Variants in TMCO4 observed in about 807,000 individuals in gnomAD.
TMCO4 encodes transmembrane and coiled-coil domain-containing protein 4.
A neutral mutation model predicts 64.7 loss-of-function variants in TMCO4; 58 were observed. The ratio of observed to expected loss-of-function variants is 0.90; its 90% CI spans 0.73 to 1.12. TMCO4 has a LOEUF of 1.12. Ranked by LOEUF, TMCO4 falls within the 50% of genes most tolerant of loss-of-function variation. The pLI is 0.00. For synonymous variants in TMCO4, 325 were observed against 346.1 expected, an observed-to-expected ratio of 0.94 and a Z score of 0.68; for missense variants, 780 against 825.9, an observed-to-expected ratio of 0.94 and a Z score of 0.68.
chr1:19,717,085 C>T (rs922166618), intron 13 of TMCO4, among the ~76,000 whole-genome samples: 1 of 152,190 alleles, frequency 6.6e-6, no homozygotes, highest in Non-Finnish European at 1.5e-5. Flanking sequence ...ACTTGGGAAG[C>T]TGAGGCAGGA....
intron 13 of TMCO4, among the ~76,000 whole-genome samples, chr1:19,709,794 C>CT (rs796672415): frequency 7.6e-4 from 103 of 134,722 alleles, no homozygotes; most frequent in Middle Eastern, 3.8e-3. Flanking sequence ...TCTTTTCTTT[C>CT]TTTTTTTTTT....
At chr1:19,755,523 C>G (rs2042206169) in intron 7 of TMCO4, 111 bp downstream of exon 7, 1 of 1,478,094 alleles carries the variant, frequency 6.8e-7, no homozygotes, top group Non-Finnish European at 9.1e-7. Flanking sequence ...GTCCAGGGCT[C>G]CTTCCACCTC....
chr1:19,746,356 C>G, intron 9 of TMCO4, 100 bp downstream of exon 9: 2 of 1,529,792 alleles, frequency 1.3e-6, no homozygotes, highest in Non-Finnish European at 1.8e-6. Flanking sequence ...CTCTGTCTCC[C>G]AGGGAGTCAC....
chr1:19,692,221 T>G (rs1051564128), intron 15 of TMCO4, among the ~76,000 whole-genome samples: 3 of 152,194 alleles, frequency 2.0e-5, no homozygotes, highest in Non-Finnish European at 4.4e-5. Flanking sequence ...GGCTTGTGCT[T>G]GTAGTTACAG....
At chr1:19,700,273 T>C (rs2095263199) in intron 14 of TMCO4, among the ~76,000 whole-genome samples, 2 of 152,080 alleles carry the variant, frequency 1.3e-5, no homozygotes, top group Non-Finnish European at 2.9e-5. Flanking sequence ...TATAGGCTCC[T>C]GCACGCTGGC....
intron 6 of TMCO4, among the ~76,000 whole-genome samples, chr1:19,769,938 C>G (rs976166927): frequency 6.9e-6 from 1 of 145,296 alleles, no homozygotes; most frequent in Admixed American, 6.8e-5. Flanking sequence ...CCACAAAGCA[C>G]ACGTGCTTAG....
chr1:19,721,123 A>G (rs552422320), intron 13 of TMCO4, among the ~76,000 whole-genome samples: 2 of 152,210 alleles, frequency 1.3e-5, no homozygotes, highest in African/African-American at 4.8e-5. Flanking sequence ...TTATGGACTG[A>G]GACTCACGCA....
intron 4 of TMCO4, among the ~76,000 whole-genome samples, chr1:19,774,194 C>A (rs1427899437): frequency 6.6e-6 from 1 of 152,188 alleles, no homozygotes; most frequent in Non-Finnish European, 1.5e-5. Flanking sequence ...CCAAACGTTA[C>A]TTAGAAGCAA....
chr1:19,793,189 T>TTC (rs550973511), intron 2 of TMCO4, among the ~76,000 whole-genome samples: 22 of 151,946 alleles, frequency 1.4e-4, no homozygotes, highest in East Asian at 5.8e-4. Flanking sequence ...CCACCAGGCT[T>TTC]TCTCTCTCTC....
chr1:19,716,350 C>T (rs144634177), intron 13 of TMCO4, among the ~76,000 whole-genome samples: 2,878 of 147,836 alleles, frequency 0.019, 96 homozygotes, highest in African/African-American at 0.067. Context: ...CCTGCCACTA[C>T]GCCCGGCTAT....
intron 4 of TMCO4, among the ~76,000 whole-genome samples, chr1:19,777,832 T>C (rs931198269): frequency 2.1e-4 from 32 of 152,194 alleles, no homozygotes; most frequent in Admixed American, 1.3e-4. Flanking sequence ...ATGGGAGGAC[T>C]GCTTGAGGCC....
Position 19,725,162 on chromosome 1 carries a change from A to C in TMCO4, c.1264+12210T>G, listed in dbSNP as rs34398032. Among the ~76,000 whole-genome samples, 466 of 152,280 alleles carry C rather than the reference A, an allele frequency of 3.1e-3. 1 individual carries two copies. Among genetic ancestry groups the C allele is most frequent in the Admixed American group, 5.5e-3 (84 of 15,306 alleles). On this transcript the variant is annotated intron_variant, in intron 13 of 15. Coordinates refer to ENST00000294543, the MANE Select transcript of TMCO4 (RefSeq NM_181719.7). ...ATGGCAAACAGATGGGGAAGCCAGG[A>C]TTGACTAATGGACCCTAGGGCCCAG...
intron 15 of TMCO4, 142 bp downstream of exon 15, chr1:19,694,292 G>T: frequency 1.5e-6 from 1 of 682,152 alleles, no homozygotes; most frequent in Non-Finnish European, 2.4e-6. Context: ...ATGAGCCACT[G>T]CACCTGGCTC....
At chr1:19,686,744 G>T (rs2095152371) in intron 15 of TMCO4, among the ~76,000 whole-genome samples, 1 of 152,162 alleles carries the variant, frequency 6.6e-6, no homozygotes, top group Non-Finnish European at 1.5e-5. Flanking sequence ...CTGAAAAGCT[G>T]GGGTACCAGC....
chr1:19,726,399 G>A (rs1381099149), intron 13 of TMCO4, among the ~76,000 whole-genome samples: 4 of 151,952 alleles, frequency 2.6e-5, no homozygotes, highest in Admixed American at 6.6e-5. Flanking sequence ...GGGAGGTGGA[G>A]GTTGCAGTGA....
In TMCO4 at chr1:19,744,058, C is replaced by G. The variant is rs1239765286; in HGVS notation, c.877+1474G>C. ...CCTCTAAATGTTTCTCACTGGCTTTCTTCTGTGTGGTTTGGCAGATCTGTG... is the reference window on the plus strand; with the variant it reads ...CCTCTAAATGTTTCTCACTGGCTTTGTTCTGTGTGGTTTGGCAGATCTGTG... On this transcript the variant is annotated intron_variant, in intron 10 of 15. Coordinates refer to ENST00000294543, the MANE Select transcript of TMCO4 (RefSeq NM_181719.7). Among the ~76,000 whole-genome samples the G allele has an allele frequency of 2.0e-5, 3 of 152,320 alleles. No individual in the cohort carries two copies. The East Asian group carries it at 5.8e-4, about 29-fold the overall frequency.
intron 2 of TMCO4, among the ~76,000 whole-genome samples, chr1:19,795,933 C>A (rs2044286286): frequency 6.6e-6 from 1 of 152,210 alleles, no homozygotes; most frequent in Non-Finnish European, 1.5e-5. Context: ...TTTTCTTTCA[C>A]TCCCTGCTTC....
In TMCO4 at chr1:19,716,381, CTT is replaced by C. The variant is rs1262772167; in HGVS notation, c.1265-15498_1265-15497del. Among the ~76,000 whole-genome samples the C allele has an allele frequency of 2.2e-4, 28 of 124,460 alleles. No homozygotes were observed. The East Asian group carries it at 3.7e-3, about 16-fold the overall frequency. 81.7% of individuals were successfully genotyped at this position (124,460 alleles called of 152,430 possible). A position where few individuals can be genotyped will look rare whatever the true frequency, so the allele number is the denominator to read the frequency against. On this transcript the variant is annotated intron_variant, in intron 13 of 15. Transcript: ENST00000294543. Reference sequence around the variant, plus strand: ...GCTATTTTTTTTTTCTTTTTTCTTTCTTTTTTTTTTTTTTTTGTTTTTGCATT... The same window carrying C: ...GCTATTTTTTTTTTCTTTTTTCTTTCTTTTTTTTTTTTTTGTTTTTGCATT...
chr1:19,755,503 C>T, intron 7 of TMCO4, 131 bp downstream of exon 7: 1 of 1,331,702 alleles, frequency 7.5e-7, no homozygotes, highest in East Asian at 2.3e-5. Context: ...AGGGCTACAG[C>T]TGGGACTCTG....
Sources: gnomAD v4.1 joint callset for allele counts (sites outside exome capture counted in the v4.1 genomes callset) on GRCh38, gnomAD v4.1.1 for gene constraint, MANE v1.5 for transcripts, NCBI Gene and HGNC (gene_info 2026-07-23, HGNC 2026-07-21) for gene names.